Variants in ACOT1 observed in about 807,000 individuals in gnomAD.
ACOT1 encodes acyl-CoA thioesterase 1.
A neutral mutation model predicts 15.7 loss-of-function variants in ACOT1; 8 were observed. The ratio of observed to expected loss-of-function variants is 0.51; its 90% CI spans 0.30 to 0.92. ACOT1 has a LOEUF of 0.92. ACOT1 is among the 40% of genes least tolerant of loss of function. ACOT1 has a pLI of 0.06. For missense variants in ACOT1, 151 were observed against 539.4 expected (o/e 0.28, Z 7.13); for synonymous variants, 67 against 241.2 (o/e 0.28, Z 6.69).
At chr14:73,510,649 T>A in the ACOT1 span, among the ~76,000 whole-genome samples, 3 of 152,152 alleles carry the variant, frequency 2.0e-5, no homozygotes, top group Non-Finnish European at 2.9e-5. Context: ...TTGGCCAGGC[T>A]GGTCTTGAAC....
chr14:73,517,840 G>A, the ACOT1 span, among the ~76,000 whole-genome samples: 1 of 151,966 alleles, frequency 6.6e-6, no homozygotes, highest in Non-Finnish European at 1.5e-5. Flanking sequence ...TGTAATCCCA[G>A]CACTTTGGGA....
chr14:73,494,289 A>C, the ACOT1 span, among the ~76,000 whole-genome samples: 31 of 152,324 alleles, frequency 2.0e-4, no homozygotes, highest in South Asian at 2.9e-3. Flanking sequence ...CAGCTGGCTG[A>C]GTGACCTGAG....
At chr14:73,541,032 A>G (rs61681023) in intron 1 of ACOT1, among the ~76,000 whole-genome samples, 7,442 of 87,394 alleles carry the variant, frequency 0.085, 1,909 homozygotes, top group African/African-American at 0.26. Context: ...GTGAGCCACC[A>G]GACCCAGCCT....
chr14:73,507,587 C>T, the ACOT1 span, among the ~76,000 whole-genome samples: 11 of 152,014 alleles, frequency 7.2e-5, no homozygotes, highest in African/African-American at 2.4e-4. Context: ...GCACATACCA[C>T]CATGCCTGAC....
chr14:73,533,780 G>C (rs1888780577), upstream of ACOT1, among the ~76,000 whole-genome samples: 1 of 108,730 alleles, frequency 9.2e-6, no homozygotes, highest in African/African-American at 3.0e-5. Flanking sequence ...TGTTCCAGCA[G>C]CTCATGCGTG....
chr14:73,497,632 C>CTTTTT, the ACOT1 span, among the ~76,000 whole-genome samples: 1 of 146,366 alleles, frequency 6.8e-6, no homozygotes, highest in Non-Finnish European at 1.5e-5. Context: ...AAAACCCATC[C>CTTTTT]TTTTTTTTTT....
chr14:73,498,258 G>A, the ACOT1 span: 1 of 1,614,022 alleles, frequency 6.2e-7, no homozygotes, highest in East Asian at 2.2e-5. Flanking sequence ...CAAGCTTCCA[G>A]CCGTACACCT....
chr14:73,499,780 G>A, the ACOT1 span, among the ~76,000 whole-genome samples: 13 of 152,146 alleles, frequency 8.5e-5, no homozygotes, highest in African/African-American at 2.9e-4. Flanking sequence ...CAGCACCCAG[G>A]TAATGAGAAG....
the ACOT1 span, chr14:73,491,799 A>G: frequency 6.3e-7 from 1 of 1,595,294 alleles, no homozygotes; most frequent in Admixed American, 1.8e-5. Flanking sequence ...TTCGGCCAGC[A>G]TTTGGACGCC....
At chr14:73,511,553 AAATAAAT>A in the ACOT1 span, among the ~76,000 whole-genome samples, 16,034 of 128,154 alleles carry the variant, frequency 0.13, 1,027 homozygotes, top group Non-Finnish European at 0.15. Flanking sequence ...ATAAATAAAT[AAATAAAT>A]AAATAAAATA....
chr14:73,505,832 G>A, the ACOT1 span, among the ~76,000 whole-genome samples: 3 of 150,760 alleles, frequency 2.0e-5, no homozygotes, highest in Admixed American at 6.6e-5. Context: ...GGGGAAATAT[G>A]TCATTGACTG....
the ACOT1 span, chr14:73,522,762 C>T: frequency 4.3e-5 from 70 of 1,614,068 alleles, no homozygotes; most frequent in African/African-American, 8.8e-4. Context: ...AGGGAGGTGT[C>T]TCCTGTTAAG....
At chr14:73,499,253 G>T in the ACOT1 span, 2 of 871,976 alleles carry the variant, frequency 2.3e-6, no homozygotes, top group Non-Finnish European at 3.9e-6. Flanking sequence ...TGCCAAGGTG[G>T]GCGGATCACT....
At chr14:73,495,403 T>C in the ACOT1 span, 1 of 1,604,924 alleles carries the variant, frequency 6.2e-7, no homozygotes, top group Non-Finnish European at 8.5e-7. Context: ...TTAGAACAAA[T>C]AATGTTTGAA....
At chr14:73,517,041 G>A in the ACOT1 span, among the ~76,000 whole-genome samples, 1 of 151,944 alleles carries the variant, frequency 6.6e-6, no homozygotes, top group Non-Finnish European at 1.5e-5. Flanking sequence ...CTTTGTTTGG[G>A]AGGCTAAGGT....
the ACOT1 span, chr14:73,498,372 C>T: frequency 6.5e-7 from 1 of 1,548,012 alleles, no homozygotes; most frequent in South Asian, 1.2e-5. Context: ...CAGCATGTCA[C>T]TGAAGACTGA....
the ACOT1 span, among the ~76,000 whole-genome samples, chr14:73,509,681 A>G: frequency 6.6e-6 from 1 of 150,866 alleles, no homozygotes; most frequent in Non-Finnish European, 1.5e-5. Flanking sequence ...TGGTATGCCA[A>G]TTCCCAATCC....
At chr14:73,511,545 AAATAAATAAATAAAT>A in the ACOT1 span, among the ~76,000 whole-genome samples, 4 of 129,598 alleles carry the variant, frequency 3.1e-5, no homozygotes, top group Non-Finnish European at 5.1e-5. Context: ...ATAAATAAAT[AAATAAATAAATAAAT>A]AAATAAAATA....
At chr14:73,492,184 C>T in the ACOT1 span, 4 of 1,613,848 alleles carry the variant, frequency 2.5e-6, no homozygotes, top group African/African-American at 2.7e-5. This position sits in a 1 kb window ranked among gnomAD's most constrained non-coding sequence, Gnocchi z 4.9. Flanking sequence ...TGCTGCAGAC[C>T]GTGCTGGAAC....
Sources: gnomAD v4.1 joint callset for allele counts (sites outside exome capture counted in the v4.1 genomes callset) on GRCh38, gnomAD v4.1.1 for gene constraint, Gnocchi (gnomAD v3.1) non-coding constraint, MANE v1.5 for transcripts, NCBI Gene and HGNC (gene_info 2026-07-23, HGNC 2026-07-21) for gene names.